Variants in FSHR observed in about 807,000 individuals in gnomAD.
The protein encoded by FSHR is follicle-stimulating hormone receptor.
Under a neutral mutation model 52.1 loss-of-function variants are expected in FSHR, and 46 were observed. The ratio of observed to expected loss-of-function variants is 0.88; its 90% CI spans 0.70 to 1.13. The LOEUF (loss-of-function observed/expected upper bound fraction) is 1.13, where lower values mean the gene tolerates loss of function less well. Among genes scored for constraint, FSHR ranks in the 50% most tolerant of loss-of-function variants. The pLI, the probability that FSHR is intolerant of heterozygous loss-of-function variation, is 0.00. For synonymous variants in FSHR, 399 were observed against 309.6 expected (o/e 1.29, Z -3.03); for missense variants, 964 against 834.6 (o/e 1.16, Z -1.91).
intron 1 of FSHR, among the ~76,000 whole-genome samples, chr2:49,100,487 A>C (rs1428427437): frequency 6.6e-6 from 1 of 152,188 alleles, no homozygotes; most frequent in East Asian, 1.9e-4. Context: ...CTTGGAAAAG[A>C]ATTTTCATTC....
rs1385207514 is a variant in FSHR at position 48,963,748 on chromosome 2, T to A, written c.1073A>T (p.Asp358Val). The A allele has an allele frequency of 2.3e-5, 37 of 1,613,964 alleles. No homozygotes were observed. The highest frequency in any genetic ancestry group is 3.1e-5 in the Non-Finnish European group (37 of 1,179,984). Reference sequence around the variant, plus strand: ...TCTGAGGATGTTGTACCCCATGATATCTTCACATGGGTTGAATGCATCTGG... The same window carrying A: ...TCTGAGGATGTTGTACCCCATGATAACTTCACATGGGTTGAATGCATCTGG... The part of the protein sequence containing the change: ...PKPDAFNPCE[D>V]IMGYNILRVL... Residue 358 changes from aspartate (D) to valine (V), a missense_variant, in exon 10 of 10, where the codon GAT becomes GTT. Asp to Val is a radical substitution (Grantham distance 152, BLOSUM62 -3). Coordinates refer to ENST00000406846, the MANE Select transcript of FSHR (RefSeq NM_000145.4).
At chr2:49,151,414 C>T (rs1673058362) in intron 1 of FSHR, among the ~76,000 whole-genome samples, 1 of 151,812 alleles carries the variant, frequency 6.6e-6, no homozygotes, top group African/African-American at 2.4e-5. Flanking sequence ...TAGTAGGAGC[C>T]CCTTAGTAAA....
At chr2:49,067,195 A>G (rs1185798492) in intron 2 of FSHR, among the ~76,000 whole-genome samples, 4 of 152,126 alleles carry the variant, frequency 2.6e-5, no homozygotes, top group African/African-American at 9.7e-5. Flanking sequence ...GTAATTTTAT[A>G]TTAAAACTAG....
chr2:49,006,766 G>A (rs1667089270), intron 4 of FSHR, among the ~76,000 whole-genome samples: 1 of 152,086 alleles, frequency 6.6e-6, no homozygotes. Flanking sequence ...CCAAAGGACT[G>A]AGCTCCTTGA....
intron 1 of FSHR, among the ~76,000 whole-genome samples, chr2:49,149,603 C>T (rs996913863): frequency 5.9e-5 from 9 of 152,014 alleles, no homozygotes; most frequent in East Asian, 1.9e-4. Flanking sequence ...CATCACAGAA[C>T]GCCTTGGTAT....
intron 1 of FSHR, among the ~76,000 whole-genome samples, chr2:49,075,878 G>T (rs1461259315): frequency 6.6e-6 from 1 of 152,052 alleles, no homozygotes; most frequent in African/African-American, 2.4e-5. Flanking sequence ...TGGCTGGAGT[G>T]AACCACCTGT....
intron 1 of FSHR, among the ~76,000 whole-genome samples, chr2:49,127,883 CTTCTTCTTCTTCTTCTTT>C (rs1672114463): frequency 2.9e-5 from 1 of 34,228 alleles, no homozygotes; most frequent in Non-Finnish European, 4.6e-5. Context: ...TCTTCTTCTT[CTTCTTCTTCTTCTTCTTT>C]TTTTTTTTTG....
At chr2:48,983,019 A>T (rs1559096454) in intron 7 of FSHR, 33 bp from the exon 8 acceptor site, 1 of 1,608,872 alleles carries the variant, frequency 6.2e-7, no homozygotes, top group Non-Finnish European at 8.5e-7. Flanking sequence ...AAGAAGGAAA[A>T]CACAAAGCCA....
intron 1 of FSHR, among the ~76,000 whole-genome samples, chr2:49,134,472 G>T (rs1486095806): frequency 1.3e-5 from 2 of 152,222 alleles, no homozygotes; most frequent in East Asian, 3.8e-4. Flanking sequence ...TGGTGGGACT[G>T]TAAACTAGTT....
intron 1 of FSHR, among the ~76,000 whole-genome samples, chr2:49,106,233 A>G (rs996252820): frequency 3.3e-5 from 5 of 152,188 alleles, no homozygotes; most frequent in Non-Finnish European, 4.4e-5. Context: ...TTGAAGTGCA[A>G]ACACTGCAGG....
At chr2:49,127,793 CTT>C in intron 1 of FSHR, among the ~76,000 whole-genome samples, 2 of 54,684 alleles carry the variant, frequency 3.7e-5, no homozygotes, top group African/African-American at 1.5e-4. Flanking sequence ...TCTTCTTCTT[CTT>C]CTTCTTCTTC....
chr2:48,996,782 G>T (rs1177098817), intron 4 of FSHR, among the ~76,000 whole-genome samples: 1 of 152,074 alleles, frequency 6.6e-6, no homozygotes, highest in African/African-American at 2.4e-5. Context: ...ACATGTCTAG[G>T]AATAATGCAA....
At chr2:49,123,927 A>T (rs1671908579) in intron 1 of FSHR, among the ~76,000 whole-genome samples, 1 of 151,868 alleles carries the variant, frequency 6.6e-6, no homozygotes, top group South Asian at 2.1e-4. Context: ...AGCTATTAGG[A>T]GGGTTTTTTA....
intron 4 of FSHR, among the ~76,000 whole-genome samples, chr2:48,997,604 C>A (rs1676078986): frequency 6.6e-6 from 1 of 152,018 alleles, no homozygotes; most frequent in African/African-American, 2.4e-5. Context: ...GTCTCCAGGG[C>A]TCAGATCTCT....
chr2:49,020,038 G>GT (rs951973760), intron 3 of FSHR, 48 bp downstream of exon 3: 15 of 1,514,756 alleles, frequency 9.9e-6, no homozygotes, highest in Admixed American at 3.3e-5. Context: ...AACTTTAAGG[G>GT]TTTTTTCAAG....
chr2:49,017,990 A>G (rs1044433446), intron 3 of FSHR, among the ~76,000 whole-genome samples: 2 of 152,170 alleles, frequency 1.3e-5, no homozygotes, highest in African/African-American at 4.8e-5. Context: ...AAGGAATGAA[A>G]GTAATGAAAA....
intron 8 of FSHR, among the ~76,000 whole-genome samples, chr2:48,972,652 G>C (rs1280598811): frequency 6.6e-6 from 1 of 151,924 alleles, no homozygotes; most frequent in Non-Finnish European, 1.5e-5. Context: ...AATGTGGAAA[G>C]AACAAAGGTT....
At chr2:49,071,530 T>A (rs1443007616) in intron 1 of FSHR, among the ~76,000 whole-genome samples, 8 of 152,048 alleles carry the variant, frequency 5.3e-5, no homozygotes, top group Non-Finnish European at 1.2e-4. Flanking sequence ...GATAAGAAAA[T>A]TTAATCCAGG....
intron 4 of FSHR, among the ~76,000 whole-genome samples, chr2:49,011,811 C>G (rs1208746995): frequency 2.0e-5 from 3 of 152,064 alleles, no homozygotes; most frequent in Non-Finnish European, 4.4e-5. Flanking sequence ...GACTCCCTAC[C>G]CTCTGTCCCC....
Sources: gnomAD v4.1 joint callset for allele counts (sites outside exome capture counted in the v4.1 genomes callset) on GRCh38, gnomAD v4.1.1 for gene constraint, MANE v1.5 for transcripts, NCBI Gene and HGNC (gene_info 2026-07-23, HGNC 2026-07-21) for gene names.